The following PPP6R1 variants were observed in gnomAD, a reference collection of about 807,000 sequenced individuals.
PPP6R1 encodes the protein protein phosphatase 6 regulatory subunit 1.
PPP6R1 carries 39 observed loss-of-function variants against 104.6 expected under a neutral mutation model. The ratio of observed to expected loss-of-function variants is 0.37; its 90% confidence interval spans 0.29 to 0.49. The LOEUF (loss-of-function observed/expected upper bound fraction) is 0.49. Ranked by LOEUF, PPP6R1 falls within the 20% of genes least tolerant of loss-of-function variation. The pLI, the probability that PPP6R1 is intolerant of heterozygous loss-of-function variation, is 0.98. For synonymous variants in PPP6R1, 549 were observed against 479.0 expected (o/e 1.15, Z -1.91); for missense variants, 1,181 against 1,155.8 (o/e 1.02, Z -0.32).
chr19:55,242,971 A>G (rs955940297), intron 5 of PPP6R1, among the ~76,000 whole-genome samples: 1 of 152,250 alleles, frequency 6.6e-6, no homozygotes, highest in East Asian at 1.9e-4. Flanking sequence ...CCACAGAGAC[A>G]GAATAGTCTG....
chr19:55,249,279 T>C (rs2087535009), intron 1 of PPP6R1, among the ~76,000 whole-genome samples: 1 of 152,128 alleles, frequency 6.6e-6, no homozygotes, highest in Non-Finnish European at 1.5e-5. Context: ...TCTCACTCTG[T>C]TGCCCAGGCT....
In PPP6R1 at chr19:55,236,726, T is replaced by C. The variant is rs759876797; in HGVS notation, c.1905A>G (p.Ser635=). 6.2e-7 allele frequency: 1 copy of C among 1,613,676 alleles called. No homozygotes were observed. The highest frequency in any genetic ancestry group is 8.5e-7 in the Non-Finnish European group (1 of 1,179,810). The part of the protein sequence containing the change: ...EEEDEEEAQG[S]GESDGEDGAW... ...CGCCATCTTCTCCATCAGACTCCCCTGAGCCCTGGGCCTCTTCCTCGTCCT... is the reference window on the plus strand; with the variant it reads ...CGCCATCTTCTCCATCAGACTCCCCCGAGCCCTGGGCCTCTTCCTCGTCCT... The change falls in exon 17 of 24, where the codon TCA becomes TCG. Residue 635 remains serine (S), a synonymous_variant. Transcript: ENST00000412770.
downstream of PPP6R1, chr19:55,228,663 C>G: frequency 6.2e-7 from 1 of 1,604,272 alleles, no homozygotes; most frequent in South Asian, 1.1e-5. Flanking sequence ...GTCCCCCCAG[C>G]CCCAGGCACA....
chr19:55,257,478 C>G (rs2122762381), intron 1 of PPP6R1, among the ~76,000 whole-genome samples: 1 of 152,334 alleles, frequency 6.6e-6, no homozygotes, highest in African/African-American at 2.4e-5. Flanking sequence ...GATAAGCACG[C>G]CGGGCGGAAC....
At chr19:55,256,034 C>T (rs2087590577) in intron 1 of PPP6R1, among the ~76,000 whole-genome samples, 1 of 152,254 alleles carries the variant, frequency 6.6e-6, no homozygotes, top group African/African-American at 2.4e-5. Flanking sequence ...AAAACTGAAG[C>T]CAGAGAAAGG....
intron 5 of PPP6R1, among the ~76,000 whole-genome samples, chr19:55,243,594 G>C (rs896889375): frequency 3.2e-4 from 49 of 151,788 alleles, no homozygotes; most frequent in Non-Finnish European, 6.0e-4. Context: ...GAGCCCAGGG[G>C]GGTCAAGGCT....
At chr19:55,238,686 G>A (rs879172433) in intron 15 of PPP6R1, 1 of 151,980 alleles carries the variant, frequency 6.6e-6, no homozygotes. Context: ...AGTAGAGATG[G>A]GGTTTCGCCA....
chr19:55,232,079 A>T lies in PPP6R1; in HGVS notation c.2121T>A (p.Pro707=), dbSNP rs757719656. ...PLSYPSPGPQ[P]PGPSWTATFD... Reference sequence around the variant, plus strand: ...CCACACCGCCCATTCATTCACCTGGAGGCTGAGGGCCAGGGCTGGGGTAGG... The same window carrying T: ...CCACACCGCCCATTCATTCACCTGGTGGCTGAGGGCCAGGGCTGGGGTAGG... The change falls in exon 18 of 24, where the codon CCT becomes CCA. Residue 707 remains proline (P), a synonymous_variant. Coordinates refer to ENST00000412770, the MANE Select transcript of PPP6R1 (RefSeq NM_014931.4). 3 of 1,611,636 alleles carry T rather than the reference A, an allele frequency of 1.9e-6. No homozygotes were observed. The highest frequency in any genetic ancestry group is 3.4e-5 in the Admixed American group (2 of 59,700).
In PPP6R1 at chr19:55,247,745, C is replaced by T. The variant is rs373199083; in HGVS notation, c.-6-636G>A. Reference sequence around the variant, plus strand: ...AGTCTGTGCATCTCCAGGCTGTGGCCGTTGCCTGGACACCACTCACACACA... The same window carrying T: ...AGTCTGTGCATCTCCAGGCTGTGGCTGTTGCCTGGACACCACTCACACACA... On this transcript the variant is annotated intron_variant, in intron 1 of 23. Coordinates refer to ENST00000412770, the MANE Select transcript of PPP6R1 (RefSeq NM_014931.4). Among the ~76,000 whole-genome samples, 33 of 152,298 alleles carry T rather than the reference C, an allele frequency of 2.2e-4. 1 individual carries two copies. The highest frequency in any genetic ancestry group is 3.1e-4 in the African/African-American group (13 of 41,554).
At chr19:55,256,368 T>C (rs1439796408) in intron 1 of PPP6R1, among the ~76,000 whole-genome samples, 1 of 152,202 alleles carries the variant, frequency 6.6e-6, no homozygotes, top group Admixed American at 6.5e-5. Flanking sequence ...GCAACATCCC[T>C]AGCCTCCACC....
At position 55,242,439 on chromosome 19, in the gene PPP6R1, C is replaced by G; in HGVS notation, c.668G>C (p.Arg223Pro). 1 of 1,613,992 alleles carries G rather than the reference C, an allele frequency of 6.2e-7. No homozygotes were observed. The highest frequency in any genetic ancestry group is 8.5e-7 in the Non-Finnish European group (1 of 1,179,878). The change falls in exon 6 of 24, where the codon CGG becomes CCG. Residue 223 changes from arginine (R) to proline (P), a missense_variant. Transcript: ENST00000412770. ...GTCCTGGACTTGGATCATCTGCTCC[C>G]GGCTCAGGCGGATGATGTCACACAG... ...QSLCDIIRLS[R>P]EQMIQVQDSP... is the part of the protein sequence containing the mutation.
intron 1 of PPP6R1, among the ~76,000 whole-genome samples, chr19:55,247,919 C>T (rs2087523587): frequency 1.3e-5 from 2 of 152,234 alleles, no homozygotes; most frequent in South Asian, 2.1e-4. Flanking sequence ...AAGAACAAAG[C>T]TGGCAACACC....
chr19:55,255,183 C>G (rs2087583437), intron 1 of PPP6R1, among the ~76,000 whole-genome samples: 2 of 152,204 alleles, frequency 1.3e-5, no homozygotes, highest in African/African-American at 4.8e-5. Context: ...CCTGGTCCAA[C>G]CCCAGAGGAT....
chr19:55,240,008 G>T lies in PPP6R1; in HGVS notation c.1468C>A (p.Leu490Met). ...GCCTGGGGACCCTCACCCTTCAGCAGCTGCCGCAGCTGCTCTGCATTGGGC... is the reference window on the plus strand; with the variant it reads ...GCCTGGGGACCCTCACCCTTCAGCATCTGCCGCAGCTGCTCTGCATTGGGC... ...KGPNAEQLRQ[L>M]LKELPSEQQE... The change falls in exon 12 of 24, where the codon CTG becomes ATG. Residue 490 changes from leucine to methionine, a missense_variant. Physicochemically the swap from Leu to Met is conservative, Grantham distance 15. Around this residue, in one of 2 missense-constraint regions of PPP6R1, gnomAD observed 1,042 missense variants for 955.6 expected, o/e 1.09. Coordinates refer to ENST00000412770, the MANE Select transcript of PPP6R1 (RefSeq NM_014931.4). 6.2e-7 allele frequency: 1 copy of T among 1,603,126 alleles called. No homozygotes were observed.
Position 55,241,508 on chromosome 19 carries a change from CAGCTG to C in PPP6R1, c.972_976del (p.Ser325LeufsTer44). On this transcript the variant is annotated frameshift_variant, in exon 8 of 24. Coordinates refer to ENST00000412770, the MANE Select transcript of PPP6R1 (RefSeq NM_014931.4). LOFTEE classifies it high-confidence loss of function. This position sits in a 1 kb window ranked among gnomAD's most constrained non-coding sequence, Gnocchi z 5.4. The stretch of plus-strand genomic sequence containing the variant: ...AGGCTCCAGCAGGAGCTGGTGGAAG[CAGCTG>C]AGCCGCGGGCGTAGGGCGTGCAAGG... 6.3e-7 allele frequency: 1 copy of C among 1,595,584 alleles called. No individual in the cohort carries two copies. The highest frequency in any genetic ancestry group is 8.5e-7 in the Non-Finnish European group (1 of 1,171,818).
Position 55,242,496 on chromosome 19 carries a change from GGGGA to G in PPP6R1, c.619-12_619-9del. 1 of 1,609,198 alleles carries G rather than the reference GGGGA, an allele frequency of 6.2e-7. No homozygotes were observed. The highest frequency in any genetic ancestry group is 8.5e-7 in the Non-Finnish European group (1 of 1,175,662). On this transcript the variant is annotated splice_polypyrimidine_tract_variant and intron_variant, in intron 5 of 23. Transcript: ENST00000412770. Reference sequence around the variant, plus strand: ...GGATGCGTTGGAATGTTGCTGGAACGGGGAGAGACAGGTGAGGATCCTGGTCGGG... The same window carrying G: ...GGATGCGTTGGAATGTTGCTGGAACGGAGACAGGTGAGGATCCTGGTCGGG...
At chr19:55,232,972 G>GTA (rs1473932267) in intron 17 of PPP6R1, 2 of 152,172 alleles carry the variant, frequency 1.3e-5, no homozygotes, top group Non-Finnish European at 2.9e-5. Flanking sequence ...AGGCTCTGTG[G>GTA]TATAGCCTAT....
chr19:55,231,703 T>C (rs2087348988), intron 19 of PPP6R1, 35 bp from the exon 20 acceptor site: 1 of 1,562,504 alleles, frequency 6.4e-7, no homozygotes, highest in Non-Finnish European at 8.7e-7. Context: ...AGGGGGCAGC[T>C]AGGGTTAGCA....
chr19:55,240,571 G>A (rs970616269), intron 10 of PPP6R1, among the ~76,000 whole-genome samples: 95 of 141,232 alleles, frequency 6.7e-4, no homozygotes, highest in African/African-American at 2.3e-3. Flanking sequence ...ATGCACTAAC[G>A]GACACACACA....
Sources: allele counts gnomAD v4.1 joint callset (sites outside exome capture counted in the v4.1 genomes callset), GRCh38; gene constraint gnomAD v4.1.1; regional missense constraint gnomAD v4.1.1; non-coding constraint Gnocchi (gnomAD v3.1); transcripts MANE v1.5; gene names NCBI Gene and HGNC (gene_info 2026-07-23, HGNC 2026-07-21).